NRXN3: variants seen among roughly 807,000 people sequenced by gnomAD.
NRXN3 encodes neurexin III.
Under a neutral mutation model 137.6 loss-of-function variants are expected in NRXN3, and 32 were observed. That is an observed-to-expected ratio of 0.23 (90% CI 0.18 to 0.31). The LOEUF is 0.31. Among genes scored for constraint, NRXN3 ranks in the 10% least tolerant of loss-of-function variants. NRXN3 has a pLI of 1.00. For missense variants in NRXN3, 1,574 were observed against 2,062.5 expected (o/e 0.76, Z 4.59); for synonymous variants, 798 against 784.5 (o/e 1.02, Z -0.29).
chr14:78,596,168 TG>T (rs1566844970), intron 4 of NRXN3, among the ~76,000 whole-genome samples: 1 of 152,244 alleles, frequency 6.6e-6, no homozygotes, highest in East Asian at 1.9e-4. Context: ...CTTCCTTCTA[TG>T]GCTGCCCTCG....
chr14:79,194,036 A>G (rs1452126580), intron 15 of NRXN3, among the ~76,000 whole-genome samples: 1 of 152,238 alleles, frequency 6.6e-6, no homozygotes, highest in Non-Finnish European at 1.5e-5. Flanking sequence ...CACTTAGACT[A>G]TAACAACATT....
At chr14:78,326,723 T>C (rs182665396) in intron 4 of NRXN3, among the ~76,000 whole-genome samples, 306 of 152,322 alleles carry the variant, frequency 2.0e-3, no homozygotes, top group African/African-American at 6.5e-3. Flanking sequence ...CACATTTAAT[T>C]CTGCAAATAT....
chr14:79,646,542 C>T (rs569284876), intron 16 of NRXN3, among the ~76,000 whole-genome samples: 1 of 135,772 alleles, frequency 7.4e-6, no homozygotes, highest in South Asian at 2.3e-4. Context: ...TATTCAGAGG[C>T]AGCTACTGTG....
At chr14:79,268,435 C>G (rs539237214) in intron 15 of NRXN3, among the ~76,000 whole-genome samples, 1 of 152,258 alleles carries the variant, frequency 6.6e-6, no homozygotes, top group Non-Finnish European at 1.5e-5. Context: ...TCTAGGTCAC[C>G]TCCAGATCCA....
chr14:78,461,100 T>A (rs2094909586), intron 4 of NRXN3, among the ~76,000 whole-genome samples: 1 of 152,232 alleles, frequency 6.6e-6, no homozygotes, highest in South Asian at 2.1e-4. Flanking sequence ...CAAATTAGAA[T>A]CCTGACACTA....
chr14:78,981,250 A>G (rs1567889576), intron 14 of NRXN3, among the ~76,000 whole-genome samples: 1 of 152,232 alleles, frequency 6.6e-6, no homozygotes, highest in Non-Finnish European at 1.5e-5. Flanking sequence ...GTAAAAAACA[A>G]AAACAAATCC....
At chr14:78,230,150 A>AC (rs571598321) in intron 1 of NRXN3, among the ~76,000 whole-genome samples, 336 of 152,102 alleles carry the variant, frequency 2.2e-3, no homozygotes, top group African/African-American at 7.6e-3. Flanking sequence ...TCAGCTTCCC[A>AC]AGTAGCTGGA....
chr14:79,218,850 T>C (rs1425700616), intron 15 of NRXN3, among the ~76,000 whole-genome samples: 1 of 152,106 alleles, frequency 6.6e-6, no homozygotes, highest in Non-Finnish European at 1.5e-5. Context: ...TGGGATTTAT[T>C]ATAAATCTCA....
chr14:79,387,193 A>C (rs1208208655), intron 15 of NRXN3, among the ~76,000 whole-genome samples: 1 of 152,174 alleles, frequency 6.6e-6, no homozygotes, highest in Non-Finnish European at 1.5e-5. Flanking sequence ...AAATTTTTGC[A>C]ATCTACTCAT....
chr14:78,632,847 G>C (rs1274306456), intron 4 of NRXN3, among the ~76,000 whole-genome samples: 1 of 152,054 alleles, frequency 6.6e-6, no homozygotes, highest in East Asian at 1.9e-4. Context: ...CATCGTGTTT[G>C]TTTCATTGAA....
chr14:79,710,022 A>C (rs936441813), intron 19 of NRXN3, among the ~76,000 whole-genome samples: 2 of 152,088 alleles, frequency 1.3e-5, no homozygotes, highest in Non-Finnish European at 2.9e-5. Flanking sequence ...TATGAAAGAG[A>C]ATTAACCTGG....
chr14:79,116,996 G>T (rs1248149441), intron 15 of NRXN3, among the ~76,000 whole-genome samples: 1 of 152,018 alleles, frequency 6.6e-6, no homozygotes, highest in African/African-American at 2.4e-5. Context: ...AACTGGTTTT[G>T]GTAATAATTG....
intron 15 of NRXN3, among the ~76,000 whole-genome samples, chr14:79,304,142 G>C (rs1260046832): frequency 6.6e-6 from 1 of 152,094 alleles, no homozygotes; most frequent in African/African-American, 2.4e-5. Flanking sequence ...TTTAGTCATA[G>C]AGATTGGTGG....
At chr14:79,142,422 T>TAA (rs1278935802) in intron 15 of NRXN3, among the ~76,000 whole-genome samples, 1 of 151,178 alleles carries the variant, frequency 6.6e-6, no homozygotes, top group Non-Finnish European at 1.5e-5. Flanking sequence ...TGAGACTCCG[T>TAA]TTCAAAAAAA....
intron 15 of NRXN3, among the ~76,000 whole-genome samples, chr14:79,030,635 C>CTTTTTTTTTTTTTTTTTTTTT: frequency 1.3e-4 from 7 of 54,234 alleles, no homozygotes; most frequent in African/African-American, 2.2e-4. Flanking sequence ...TTCTCTGTGT[C>CTTTTTTTTTTTTTTTTTTTTT]TTTTTTTTTT....
chr14:78,206,052 C>A (rs2062155041), intron 1 of NRXN3, among the ~76,000 whole-genome samples: 1 of 152,126 alleles, frequency 6.6e-6, no homozygotes, highest in Non-Finnish European at 1.5e-5. Flanking sequence ...GATCACAAAG[C>A]AAATGTGGAG....
chr14:78,367,021 C>G (rs918766875), intron 4 of NRXN3, among the ~76,000 whole-genome samples: 1 of 152,186 alleles, frequency 6.6e-6, no homozygotes, highest in African/African-American at 2.4e-5. Flanking sequence ...ATAAGGGCAG[C>G]TCTATAATCA....
chr14:79,711,320 CATTGCTCAAAGCTCTACGTCCAGGGGCAA>C (rs1187686106), intron 19 of NRXN3, among the ~76,000 whole-genome samples: 1 of 152,136 alleles, frequency 6.6e-6, no homozygotes, highest in Non-Finnish European at 1.5e-5. Context: ...GTACTAGTTT[CATTGCTCAAAGCTCTACGTCCAGGGGCAA>C]ATTGCTCAAC....
intron 1 of NRXN3, among the ~76,000 whole-genome samples, chr14:78,217,170 A>T (rs1321168755): frequency 6.6e-6 from 1 of 152,210 alleles, no homozygotes; most frequent in Non-Finnish European, 1.5e-5. Flanking sequence ...TATAGTTCTC[A>T]TAGATGGTAG....
Sources: allele counts gnomAD v4.1 joint callset (sites outside exome capture counted in the v4.1 genomes callset), GRCh38; gene constraint gnomAD v4.1.1; transcripts MANE v1.5; gene names NCBI Gene and HGNC (gene_info 2026-07-23, HGNC 2026-07-21).